Variants in FTO observed in about 807,000 individuals in gnomAD.
FTO encodes FTO alpha-ketoglutarate dependent dioxygenase, also known as alpha-ketoglutarate-dependent dioxygenase FTO.
FTO carries 47 observed loss-of-function variants against 63.9 expected under a neutral mutation model. That is an observed-to-expected ratio of 0.74 (90% confidence interval 0.58 to 0.94). The LOEUF is 0.94. Ranked by LOEUF, FTO falls within the 40% of genes least tolerant of loss-of-function variation. The pLI, the probability that FTO is intolerant of heterozygous loss-of-function variation, is 0.00. For missense variants in FTO, 562 were observed against 618.1 expected (o/e 0.91, Z 0.96); for synonymous variants, 207 against 224.4 (o/e 0.92, Z 0.69).
chr16:53,761,234 C>G (rs9941085), intron 1 of FTO, among the ~76,000 whole-genome samples: 2,212 of 150,738 alleles, frequency 0.015, 54 homozygotes, highest in African/African-American at 0.052. Context: ...GTAACTGGGA[C>G]ATCAGGCGCA....
chr16:53,823,773 C>T (rs1317638750), intron 2 of FTO, among the ~76,000 whole-genome samples: 1 of 152,126 alleles, frequency 6.6e-6, no homozygotes, highest in Non-Finnish European at 1.5e-5. Flanking sequence ...GTAATCTCAG[C>T]TACTCGGGCG....
At chr16:54,075,267 G>A (rs2085965170) in intron 8 of FTO, among the ~76,000 whole-genome samples, 2 of 152,046 alleles carry the variant, frequency 1.3e-5, no homozygotes, top group Non-Finnish European at 2.9e-5. Flanking sequence ...TGGAATATCT[G>A]TTGGTAATGG....
intron 8 of FTO, among the ~76,000 whole-genome samples, chr16:53,961,491 G>A (rs1599096448): frequency 6.6e-6 from 1 of 152,132 alleles, no homozygotes; most frequent in Non-Finnish European, 1.5e-5. Flanking sequence ...ATACTAAATT[G>A]GAGAAAATTG....
intron 1 of FTO, among the ~76,000 whole-genome samples, chr16:53,749,362 T>G (rs2151564537): frequency 6.6e-6 from 1 of 152,314 alleles, no homozygotes; most frequent in South Asian, 2.1e-4. Flanking sequence ...ATTCCACTTC[T>G]GTACTGAATA....
rs901661743 is a variant in FTO, at chr16:53,835,210, C to T, written c.751+8719C>T. On this transcript the variant is annotated intron_variant, in intron 3 of 8. Transcript: ENST00000471389. ...TCTTCCAGAGTCTTCTTGTCTGCTC[C>T]AATCTGGTGTTCTATGCCTGATGCA... 2.6e-5 allele frequency among the ~76,000 whole-genome samples: 4 copies of T among 152,182 alleles called. No homozygotes were observed. In the East Asian group the frequency reaches 5.8e-4, roughly 22 times the overall value.
chr16:54,015,524 GGCACAAATGCCCA>G (rs2084423432), intron 8 of FTO, among the ~76,000 whole-genome samples: 3 of 151,840 alleles, frequency 2.0e-5, no homozygotes, highest in East Asian at 1.9e-4. Context: ...AAATGCCCAT[GGCACAAATGCCCA>G]TGGCAAAAGG....
intron 7 of FTO, chr16:53,911,328 G>A (rs2081696072): frequency 5.7e-6 from 4 of 701,338 alleles, no homozygotes; most frequent in Admixed American, 4.0e-5. Context: ...CAGTGGAACA[G>A]CCAGAGATAG....
Position 54,091,784 on chromosome 16 carries a change from C to A in FTO, c.1365-19978C>A, listed in dbSNP as rs185764459. ...CTGCCTGGGTTCACATCTTGGCTAC[C>A]TCACTCACAATCTTTGTGACCTTGG... On this transcript the variant is annotated intron_variant, in intron 8 of 8. Transcript: ENST00000471389. Among the ~76,000 whole-genome samples, 8 of 152,268 alleles carry A rather than the reference C, an allele frequency of 5.3e-5. No homozygotes were observed. The East Asian group carries it at 1.5e-3, about 29-fold the overall frequency.
intron 7 of FTO, among the ~76,000 whole-genome samples, chr16:53,920,032 A>G (rs1164618507): frequency 6.6e-6 from 1 of 152,200 alleles, no homozygotes; most frequent in Non-Finnish European, 1.5e-5. Context: ...AGGAATAAAG[A>G]AAGGCTTCAT....
chr16:54,098,157 A>C (rs1395838955), intron 8 of FTO, among the ~76,000 whole-genome samples: 1 of 152,154 alleles, frequency 6.6e-6, no homozygotes, highest in Non-Finnish European at 1.5e-5. Context: ...CAGCTTTTAA[A>C]TCAGTTTAAT....
At chr16:53,886,869 C>CT (rs565806316) in intron 6 of FTO, 26 of 152,276 alleles carry the variant, frequency 1.7e-4, no homozygotes, top group African/African-American at 5.8e-4. Context: ...AGCTCCATGT[C>CT]TATATATGGA....
chr16:54,009,423 G>A (rs775432849), intron 8 of FTO, among the ~76,000 whole-genome samples: 2 of 152,094 alleles, frequency 1.3e-5, no homozygotes, highest in Non-Finnish European at 2.9e-5. Flanking sequence ...GAATTTAAAA[G>A]CAACAAAACT....
At chr16:53,893,675 AG>A (rs1213308581) in intron 7 of FTO, among the ~76,000 whole-genome samples, 2 of 149,630 alleles carry the variant, frequency 1.3e-5, no homozygotes, top group Non-Finnish European at 3.0e-5. Context: ...AAAAAAAAAA[AG>A]GTCAATTTGG....
intron 7 of FTO, among the ~76,000 whole-genome samples, chr16:53,889,932 CA>C: frequency 6.6e-6 from 1 of 152,026 alleles, no homozygotes; most frequent in African/African-American, 2.4e-5. Flanking sequence ...TATGACAACC[CA>C]CAACATAGGT....
At chr16:54,050,213 T>A (rs1265890216) in intron 8 of FTO, among the ~76,000 whole-genome samples, 4 of 152,090 alleles carry the variant, frequency 2.6e-5, no homozygotes, top group Non-Finnish European at 5.9e-5. Flanking sequence ...GAAATCCTGA[T>A]ATGGGACTCA....
At chr16:53,756,257 G>C (rs1004599184) in intron 1 of FTO, among the ~76,000 whole-genome samples, 1 of 152,170 alleles carries the variant, frequency 6.6e-6, no homozygotes, top group Non-Finnish European at 1.5e-5. Flanking sequence ...AACGAGGACT[G>C]GTCTTCATGG....
intron 3 of FTO, among the ~76,000 whole-genome samples, chr16:53,834,389 G>A (rs2079232469): frequency 6.6e-6 from 1 of 152,246 alleles, no homozygotes; most frequent in South Asian, 2.1e-4. Context: ...AGACTTTACT[G>A]TCCATGACAT....
intron 8 of FTO, among the ~76,000 whole-genome samples, chr16:53,952,071 T>G (rs912011857): frequency 1.3e-5 from 2 of 152,216 alleles, no homozygotes; most frequent in African/African-American, 4.8e-5. Flanking sequence ...CCAGGTACTA[T>G]TCTACGTGTT....
At chr16:53,832,890 G>C (rs994056101) in intron 3 of FTO, among the ~76,000 whole-genome samples, 1 of 152,018 alleles carries the variant, frequency 6.6e-6, no homozygotes, top group African/African-American at 2.4e-5. Flanking sequence ...CTTTCTGTCT[G>C]TATTATATTT....
Sources: gnomAD v4.1 joint callset for allele counts (sites outside exome capture counted in the v4.1 genomes callset) on GRCh38, gnomAD v4.1.1 for gene constraint, MANE v1.5 for transcripts, NCBI Gene and HGNC (gene_info 2026-07-23, HGNC 2026-07-21) for gene names.